The following IRX2 variants were observed in gnomAD, a reference collection of about 807,000 sequenced individuals.
The protein encoded by IRX2 is iroquois-class homeodomain protein IRX-2.
In IRX2, 26 loss-of-function variants were observed where a neutral mutation model predicts 42.9. The ratio of observed to expected loss-of-function variants is 0.61; its 90% CI spans 0.44 to 0.84. The LOEUF (loss-of-function observed/expected upper bound fraction) is 0.84, where lower values mean the gene tolerates loss of function less well. Among genes scored for constraint, IRX2 ranks in the 40% least tolerant of loss-of-function variants. The pLI is 0.00. For synonymous variants in IRX2, 424 were observed against 353.9 expected, an observed-to-expected ratio of 1.20 and a Z score of -2.22; for missense variants, 782 against 713.9, an observed-to-expected ratio of 1.10 and a Z score of -1.09.
chr5:2,743,139 G>C (rs1737578627), downstream of IRX2, among the ~76,000 whole-genome samples: 1 of 152,150 alleles, frequency 6.6e-6, no homozygotes, highest in African/African-American at 2.4e-5. Context: ...AGGGGGTTCT[G>C]GGGAGGCGCA....
chr5:2,747,624 G>T lies in IRX2; in HGVS notation c.1364-8C>A. The T allele has an allele frequency of 6.2e-7, 1 of 1,613,828 alleles. No homozygotes were observed. The highest frequency in any genetic ancestry group is 8.5e-7 in the Non-Finnish European group (1 of 1,179,882). On this transcript the variant is annotated splice_region_variant and splice_polypyrimidine_tract_variant and intron_variant, in intron 3 of 3. Coordinates refer to ENST00000302057, the MANE Select transcript of IRX2 (RefSeq NM_033267.5). Reference sequence around the variant, plus strand: ...TGCAGCCCTCGCTGGCATCTGTCAGGGGAGTGGGCAGTTAGTCAGAACCGA... The same window carrying T: ...TGCAGCCCTCGCTGGCATCTGTCAGTGGAGTGGGCAGTTAGTCAGAACCGA...
Position 2,746,917 on chromosome 5 carries a change from C to T in IRX2, c.*647G>A, listed in dbSNP as rs1192721622. 6.6e-6 allele frequency: 1 copy of T among 152,474 alleles called. No individual in the cohort carries two copies. The highest frequency in any genetic ancestry group is 1.5e-5 in the Non-Finnish European group (1 of 68,020). 9.4% of individuals were successfully genotyped at this position (152,474 alleles called of 1,614,324 possible). A position where few individuals can be genotyped will look rare whatever the true frequency, so the allele number is the denominator to read the frequency against. ...CAAGATCTATGATTAGTAATTCTGA[C>T]TCGTTGCAAAGCAACATATTTTTTG... On this transcript the variant is annotated 3_prime_UTR_variant, in exon 4 of 4. Coordinates refer to ENST00000302057, the MANE Select transcript of IRX2 (RefSeq NM_033267.5).
chr5:2,749,285 T>C (rs1737831205), intron 2 of IRX2, 97 bp downstream of exon 2: 7 of 1,491,496 alleles, frequency 4.7e-6, no homozygotes, highest in East Asian at 2.3e-5. Flanking sequence ...GGCCCGGACC[T>C]GGGGTGTCCG....
chr5:2,741,903 A>T (rs1055299), downstream of IRX2, among the ~76,000 whole-genome samples: 1 of 152,104 alleles, frequency 6.6e-6, no homozygotes, highest in East Asian at 1.9e-4. Flanking sequence ...AAACAAACAA[A>T]AAAAATTCTT....
At chr5:2,739,828 G>A in the IRX2 span, among the ~76,000 whole-genome samples, 1 of 152,232 alleles carries the variant, frequency 6.6e-6, no homozygotes, top group Non-Finnish European at 1.5e-5. Context: ...CGGGAGCAGG[G>A]GGACTGGGAG....
Position 2,749,480 on chromosome 5 carries a change from C to T in IRX2, c.557G>A (p.Ser186Asn). Residue 186 changes from serine (S) to asparagine (N), a missense_variant, in exon 2 of 4, where the codon AGC becomes AAC. Coordinates refer to ENST00000302057, the MANE Select transcript of IRX2 (RefSeq NM_033267.5). ...GCCCTCGTCCTCGTCCTCATCTTCG[C>T]TTTTGTTTCTCGGGGCCCAGGTCAT... is the stretch of plus-strand genomic sequence containing the variant. ...NKMTWAPRNK[S>N]EDEDEDEGDA... 3 of 1,614,236 alleles carry T rather than the reference C, an allele frequency of 1.9e-6. No individual in the cohort carries two copies. Among genetic ancestry groups the T allele is most frequent in the Non-Finnish European group, 2.5e-6 (3 of 1,180,040 alleles).
At position 2,751,303 on chromosome 5, in the gene IRX2, C is replaced by G; in HGVS notation, c.111G>C (p.Ala37=). The part of the protein sequence containing the change: ...ALAAPRSEEL[A]RSASGSAFSP... ...TGAACGCCGAGCCCGACGCCGAGCG[C>G]GCCAGCTCCTCGCTGCGCGGAGCCG... is the stretch of plus-strand genomic sequence containing the variant. Residue 37 remains alanine, a synonymous_variant, in exon 1 of 4, where the codon GCG becomes GCC. Transcript: ENST00000302057. The surrounding 1 kb of genome is among the most constrained non-coding windows in gnomAD (Gnocchi z 4.0). The G allele has an allele frequency of 7.0e-7, 1 of 1,435,796 alleles. No individual in the cohort carries two copies. The highest frequency in any genetic ancestry group is 9.1e-7 in the Non-Finnish European group (1 of 1,094,916). 88.9% of individuals were successfully genotyped at this position (1,435,796 alleles called of 1,614,324 possible). A position where few individuals can be genotyped will look rare whatever the true frequency, so the allele number is the denominator to read the frequency against.
downstream of IRX2, among the ~76,000 whole-genome samples, chr5:2,743,335 A>G (rs1737583841): frequency 6.6e-6 from 1 of 152,224 alleles, no homozygotes; most frequent in East Asian, 1.9e-4. Flanking sequence ...TTTATTGGGA[A>G]CAAATGTTGA....
intron 1 of IRX2, among the ~76,000 whole-genome samples, chr5:2,750,769 C>A (rs930357936): frequency 6.6e-6 from 1 of 152,328 alleles, no homozygotes; most frequent in Non-Finnish European, 1.5e-5. Flanking sequence ...TGACGCGGAC[C>A]CTCGCGCCCC....
chr5:2,749,822 G>A lies in IRX2; in HGVS notation c.250-35C>T, dbSNP rs199858495. ...ACAAGAGCCTGTGAGTGGAGTATGC[G>A]GAGACCCCGCGGGCAACCAGCCAGA... On this transcript the variant is annotated intron_variant, in intron 1 of 3. Transcript: ENST00000302057. 127 of 1,546,754 alleles carry A rather than the reference G, an allele frequency of 8.2e-5. No homozygotes were observed. In the African/African-American group the frequency reaches 1.5e-3, roughly 18 times the overall value.
chr5:2,745,056 C>T (rs1174025234), downstream of IRX2, among the ~76,000 whole-genome samples: 4 of 152,192 alleles, frequency 2.6e-5, no homozygotes, highest in Non-Finnish European at 5.9e-5. Context: ...CAGCAATTTC[C>T]CATCCTCAGA....
chr5:2,749,151 G>T (rs576082251), intron 2 of IRX2, 99 bp from the exon 3 acceptor site: 292 of 1,506,888 alleles, frequency 1.9e-4, no homozygotes, highest in Middle Eastern at 8.9e-4. Flanking sequence ...CTCCCCACGG[G>T]ACCCCTCACC....
Position 2,748,819 on chromosome 5 carries a change from T to G in IRX2, c.889A>C (p.Ser297Arg). 6.6e-7 allele frequency: 1 copy of G among 1,512,830 alleles called. No individual in the cohort carries two copies. Among genetic ancestry groups the G allele is most frequent in the Non-Finnish European group, 8.8e-7 (1 of 1,140,108 alleles). 93.7% of individuals were successfully genotyped at this position (1,512,830 alleles called of 1,614,324 possible). A position where few individuals can be genotyped will look rare whatever the true frequency, so the allele number is the denominator to read the frequency against. ...CGGGGCGCGGCCTCGGGCGGGGGGC[T>G]CAGCAGCGGCGCCTCCAAGCCGGTA... is the stretch of plus-strand genomic sequence containing the variant. The part of the protein sequence containing the change: ...PLTGLEAPLL[S>R]PPPEAAPRGG... Residue 297 changes from serine (S) to arginine (R), a missense_variant, in exon 3 of 4, where the codon AGC becomes CGC. Around this residue, in one of 3 missense-constraint regions of IRX2, gnomAD observed 520 missense variants for 437.8 expected, o/e 1.19. Transcript: ENST00000302057.
In IRX2 at chr5:2,746,483, C is replaced by T. The variant is rs976385827; in HGVS notation, c.*1081G>A. The T allele has an allele frequency of 3.5e-4, 53 of 152,154 alleles. No homozygotes were observed. Among genetic ancestry groups the T allele is most frequent in the African/African-American group, 1.1e-3 (46 of 41,482 alleles). The allele number at this position is 152,154 out of a possible 1,614,324, so 9.4% of individuals were successfully genotyped here. A position where few individuals can be genotyped will look rare whatever the true frequency, so the allele number is the denominator to read the frequency against. ...CCTATCACACCTATAGAATATATAC[C>T]GTGGCAATGAAGTGATCAATTCAAG... On this transcript the variant is annotated 3_prime_UTR_variant, in exon 4 of 4. Transcript: ENST00000302057.
At chr5:2,737,603 G>A in the IRX2 span, 1 of 152,248 alleles carries the variant, frequency 6.6e-6, no homozygotes, top group Non-Finnish European at 1.5e-5. Context: ...AGTCGATGGT[G>A]AGCACCCACT....
chr5:2,745,671 C>T (rs2111439564), downstream of IRX2, among the ~76,000 whole-genome samples: 1 of 152,192 alleles, frequency 6.6e-6, no homozygotes, highest in Admixed American at 6.5e-5. Flanking sequence ...AGAAATCCTT[C>T]CATAAATTTG....
At chr5:2,750,262 A>C (rs1248744345) in intron 1 of IRX2, among the ~76,000 whole-genome samples, 1 of 152,242 alleles carries the variant, frequency 6.6e-6, no homozygotes, top group Non-Finnish European at 1.5e-5. Flanking sequence ...TTTGCAACTC[A>C]GAAGCCAGTC....
At chr5:2,742,254 A>T (rs1294286354), downstream of IRX2, among the ~76,000 whole-genome samples, 1 of 152,206 alleles carries the variant, frequency 6.6e-6, no homozygotes, top group Non-Finnish European at 1.5e-5. Context: ...ATATTGTTGA[A>T]AACCAGATTC....
chr5:2,751,307 A>G lies in IRX2; in HGVS notation c.107T>C (p.Leu36Pro). 1 of 1,436,526 alleles carries G rather than the reference A, an allele frequency of 7.0e-7. No individual in the cohort carries two copies. The highest frequency in any genetic ancestry group is 3.2e-5 in the East Asian group (1 of 31,306). The allele number at this position is 1,436,526 out of a possible 1,614,324, so 89.0% of individuals were successfully genotyped here. A position where few individuals can be genotyped will look rare whatever the true frequency, so the allele number is the denominator to read the frequency against. ...SALAAPRSEE[L>P]ARSASGSAFS... ...CGCCGAGCCCGACGCCGAGCGCGCC[A>G]GCTCCTCGCTGCGCGGAGCCGCCAA... is the stretch of plus-strand genomic sequence containing the variant. The change falls in exon 1 of 4, where the codon CTG becomes CCG. Residue 36 changes from leucine (L) to proline (P), a missense_variant. Coordinates refer to ENST00000302057, the MANE Select transcript of IRX2 (RefSeq NM_033267.5). The surrounding 1 kb of genome is among the most constrained non-coding windows in gnomAD (Gnocchi z 4.0).
Sources: gnomAD v4.1 joint callset for allele counts (sites outside exome capture counted in the v4.1 genomes callset) on GRCh38, gnomAD v4.1.1 for gene constraint, gnomAD v4.1.1 regional missense constraint, Gnocchi (gnomAD v3.1) non-coding constraint, MANE v1.5 for transcripts, NCBI Gene and HGNC (gene_info 2026-07-23, HGNC 2026-07-21) for gene names.